TENM4: variants seen among roughly 807,000 people sequenced by gnomAD.
The protein encoded by TENM4 is teneurin-4.
Under a neutral mutation model 243.3 loss-of-function variants are expected in TENM4, and 82 were observed. The observed-to-expected ratio is 0.34, with a 90% CI of 0.28 to 0.40. The LOEUF is 0.40. Among genes scored for constraint, TENM4 ranks in the 10% least tolerant of loss-of-function variants. TENM4 has a pLI of 1.00. For synonymous variants in TENM4, 1,412 were observed against 1,456.3 expected (o/e 0.97, Z 0.69); for missense variants, 3,138 against 3,673.3 (o/e 0.85, Z 3.77).
chr11:79,305,533 C>G (rs1202244506), intron 1 of TENM4, among the ~76,000 whole-genome samples: 1 of 152,138 alleles, frequency 6.6e-6, no homozygotes, highest in Admixed American at 6.5e-5. Flanking sequence ...CTCATGAGCA[C>G]AATCTTTTCA....
intron 6 of TENM4, among the ~76,000 whole-genome samples, chr11:78,999,789 G>A (rs1205587875): frequency 6.6e-6 from 1 of 151,970 alleles, no homozygotes; most frequent in Admixed American, 6.6e-5. Context: ...TATAATAAAG[G>A]CTCCAGGAGA....
At chr11:79,416,355 T>C (rs1248541895) in intron 1 of TENM4, among the ~76,000 whole-genome samples, 2 of 152,206 alleles carry the variant, frequency 1.3e-5, no homozygotes, top group Non-Finnish European at 2.9e-5. Context: ...TACATTTCTG[T>C]TGCTCCATAT....
At chr11:79,040,341 T>C (rs1343942342) in intron 6 of TENM4, among the ~76,000 whole-genome samples, 1 of 152,040 alleles carries the variant, frequency 6.6e-6, no homozygotes, top group East Asian at 1.9e-4. Flanking sequence ...CAACCACTAT[T>C]CCCCTCTCCT....
rs1486204118 is a variant in TENM4 at position 78,658,221 on chromosome 11, C to T, written c.8147G>A (p.Gly2716Asp). Residue 2716 changes from glycine to aspartate, a missense_variant, in exon 34 of 34, where the codon GGC becomes GAC. Transcript: ENST00000278550. ...CTCCCCCTCTGTCCAGGCCCGCAGG[C>T]CTTCCTCCCCTTCCCGCAGTCTCTG... ...EQQRLREGEE[G>D]LRAWTEGEKQ... 6.2e-7 allele frequency: 1 copy of T among 1,613,996 alleles called. No homozygotes were observed. Among genetic ancestry groups the T allele is most frequent in the Non-Finnish European group, 8.5e-7 (1 of 1,179,868 alleles).
chr11:79,356,325 CT>C (rs2135485721), intron 1 of TENM4, among the ~76,000 whole-genome samples: 2 of 152,320 alleles, frequency 1.3e-5, no homozygotes, highest in South Asian at 4.1e-4. Flanking sequence ...AGTTCCTCAT[CT>C]ACTAAGAAGG....
At position 79,003,111 on chromosome 11, in the gene TENM4, A is replaced by T. The variant is rs1397413976; in HGVS notation, c.493+61627T>A. On this transcript the variant is annotated intron_variant, in intron 6 of 33. Coordinates refer to ENST00000278550, the MANE Select transcript of TENM4 (RefSeq NM_001098816.3). Reference sequence around the variant, plus strand: ...CTCAGTCAGACAAAAATAAAGAAAAAAGAAGAAAGAAGAATGAACAAAGCC... The same window carrying T: ...CTCAGTCAGACAAAAATAAAGAAAATAGAAGAAAGAAGAATGAACAAAGCC... Among the ~76,000 whole-genome samples, 3 of 152,200 alleles carry T rather than the reference A, an allele frequency of 2.0e-5. No individual in the cohort carries two copies. In the East Asian group the frequency reaches 5.8e-4, roughly 29 times the overall value.
chr11:78,880,593 T>C lies in TENM4; in HGVS notation c.1084+9192A>G, dbSNP rs146523051. Among the ~76,000 whole-genome samples, 821 of 151,882 alleles carry C rather than the reference T, an allele frequency of 5.4e-3. 8 individuals are homozygous for C. Among genetic ancestry groups the C allele is most frequent in the African/African-American group, 0.019 (771 of 41,298 alleles). ...GCTGTTGTTATTAAAAATGAATATA[T>C]GAGTAAATGTGGGTCCTTTCTTTTT... is the stretch of plus-strand genomic sequence containing the variant. On this transcript the variant is annotated intron_variant, in intron 9 of 33. Coordinates refer to ENST00000278550, the MANE Select transcript of TENM4 (RefSeq NM_001098816.3).
chr11:78,844,763 C>T (rs1858350791), intron 12 of TENM4, among the ~76,000 whole-genome samples: 1 of 152,126 alleles, frequency 6.6e-6, no homozygotes, highest in Admixed American at 6.6e-5. Flanking sequence ...GAAGAGAGGC[C>T]TCACCAGAAA....
intron 1 of TENM4, among the ~76,000 whole-genome samples, chr11:79,297,933 C>CT (rs560124265): frequency 0.019 from 2,730 of 146,336 alleles, 81 homozygotes; most frequent in African/African-American, 0.062. Flanking sequence ...TTTTTTTTTT[C>CT]TTTTTTTTTT....
intron 6 of TENM4, among the ~76,000 whole-genome samples, chr11:78,962,764 A>T (rs1459819423): frequency 6.6e-6 from 1 of 152,180 alleles, no homozygotes; most frequent in African/African-American, 2.4e-5. Context: ...GAGCCCCTAT[A>T]AGCTGGCCAT....
intron 1 of TENM4, among the ~76,000 whole-genome samples, chr11:79,385,510 A>G (rs971095354): frequency 1.3e-5 from 2 of 152,248 alleles, no homozygotes; most frequent in Non-Finnish European, 2.9e-5. Flanking sequence ...ATTAACTTCT[A>G]TAATCAAAAA....
At chr11:79,218,234 A>ATCG (rs1864091989) in intron 2 of TENM4, among the ~76,000 whole-genome samples, 1 of 96,462 alleles carries the variant, frequency 1.0e-5, no homozygotes, top group Non-Finnish European at 1.9e-5. Context: ...CCCCCTGCCC[A>ATCG]CCCACCCCCG....
intron 2 of TENM4, among the ~76,000 whole-genome samples, chr11:79,263,550 G>A (rs911717765): frequency 3.3e-5 from 5 of 152,216 alleles, no homozygotes; most frequent in African/African-American, 4.8e-5. Context: ...AAGGTGCAAA[G>A]AGTCCATGTA....
rs548347930 is a variant in TENM4, at chr11:78,878,058, T to C, written c.1084+11727A>G. Among the ~76,000 whole-genome samples, 10 of 152,284 alleles carry C rather than the reference T, an allele frequency of 6.6e-5. No homozygotes were observed. The South Asian group carries it at 2.1e-3, about 32-fold the overall frequency. On this transcript the variant is annotated intron_variant, in intron 9 of 33. Transcript: ENST00000278550. The stretch of plus-strand genomic sequence containing the variant: ...CCGCCTCTGGCTTTGTCTCCTCTGG[T>C]TTTCCCTCCACATAGTTTCGAGCAG...
intron 5 of TENM4, 70 bp downstream of exon 5, chr11:79,069,652 A>C (rs1591259057): frequency 2.7e-6 from 4 of 1,482,720 alleles, no homozygotes; most frequent in Non-Finnish European, 3.6e-6. Context: ...CGCCACGCCC[A>C]CCCGAGCCCA....
At chr11:79,421,884 C>A (rs903824392) in intron 1 of TENM4, among the ~76,000 whole-genome samples, 4 of 151,970 alleles carry the variant, frequency 2.6e-5, no homozygotes, top group African/African-American at 9.7e-5. Flanking sequence ...CTCCTGTTGT[C>A]GGGGTGGTTT....
chr11:79,250,993 A>T (rs1353078052), intron 2 of TENM4, among the ~76,000 whole-genome samples: 1 of 152,214 alleles, frequency 6.6e-6, no homozygotes, highest in Admixed American at 6.5e-5. Flanking sequence ...CTCTCTTCCC[A>T]CCAAAACTAT....
At chr11:78,894,650 AT>A (rs1431561459) in intron 7 of TENM4, among the ~76,000 whole-genome samples, 1 of 152,146 alleles carries the variant, frequency 6.6e-6, no homozygotes, top group Non-Finnish European at 1.5e-5. Flanking sequence ...GTGCATATTA[AT>A]TATTTAGATC....
intron 6 of TENM4, among the ~76,000 whole-genome samples, chr11:78,920,047 T>C (rs900109713): frequency 2.0e-5 from 3 of 152,190 alleles, no homozygotes; most frequent in African/African-American, 7.2e-5. Flanking sequence ...ATGCCTCTTA[T>C]TTATCACCAT....
Sources: gnomAD v4.1 joint callset for allele counts (sites outside exome capture counted in the v4.1 genomes callset) on GRCh38, gnomAD v4.1.1 for gene constraint, MANE v1.5 for transcripts, NCBI Gene and HGNC (gene_info 2026-07-23, HGNC 2026-07-21) for gene names.